FOXP1: variants seen among roughly 807,000 people sequenced by gnomAD.
FOXP1 encodes the protein forkhead box protein P1.
A neutral mutation model predicts 98.2 loss-of-function variants in FOXP1; 15 were observed. That is an observed-to-expected ratio of 0.15 (90% CI 0.10 to 0.24). The LOEUF is 0.24. Among genes scored for constraint, FOXP1 ranks in the 10% least tolerant of loss-of-function variants. The pLI, the probability that FOXP1 is intolerant of heterozygous loss-of-function variation, is 1.00. For synonymous variants in FOXP1, 371 were observed against 314.5 expected (o/e 1.18, Z -1.90); for missense variants, 633 against 848.5 (o/e 0.75, Z 3.15).
At chr3:71,002,350 CA>C (rs1227185188) in intron 12 of FOXP1, among the ~76,000 whole-genome samples, 2 of 152,124 alleles carry the variant, frequency 1.3e-5, no homozygotes, top group African/African-American at 4.8e-5. Flanking sequence ...TCCAAAAAAG[CA>C]GTAAAGAGGA....
chr3:70,977,795 A>C (rs899083432), intron 15 of FOXP1, 33 bp downstream of exon 15: 1 of 1,612,394 alleles, frequency 6.2e-7, no homozygotes, highest in Non-Finnish European at 8.5e-7. Context: ...TGCAGATTAC[A>C]ACTCTACGTG....
At chr3:71,537,685 GA>G (rs1436736025) in intron 2 of FOXP1, among the ~76,000 whole-genome samples, 2 of 152,184 alleles carry the variant, frequency 1.3e-5, no homozygotes, top group African/African-American at 4.8e-5. Context: ...CTTCATCTTT[GA>G]AATAGGGACA....
intron 5 of FOXP1, among the ~76,000 whole-genome samples, chr3:71,285,773 G>A (rs913877052): frequency 1.3e-5 from 2 of 152,160 alleles, no homozygotes; most frequent in African/African-American, 4.8e-5. Context: ...TAGTGGAAGA[G>A]GCTGGGAGTC....
At chr3:71,412,418 C>T (rs1039031416) in intron 3 of FOXP1, among the ~76,000 whole-genome samples, 3 of 152,174 alleles carry the variant, frequency 2.0e-5, no homozygotes, top group African/African-American at 4.8e-5. Context: ...GGGCCCCCAA[C>T]GCTGCTTCTC....
chr3:71,510,744 A>G (rs547108434), intron 2 of FOXP1, among the ~76,000 whole-genome samples: 1 of 152,216 alleles, frequency 6.6e-6, no homozygotes, highest in Non-Finnish European at 1.5e-5. Context: ...TCATATTTAC[A>G]TTTGTAAAAA....
At chr3:71,416,822 G>A (rs1325882281) in intron 3 of FOXP1, among the ~76,000 whole-genome samples, 6 of 152,052 alleles carry the variant, frequency 3.9e-5, no homozygotes, top group Non-Finnish European at 7.4e-5. Context: ...GGTGGTGGCC[G>A]CATAGAAGGA....
intron 2 of FOXP1, among the ~76,000 whole-genome samples, chr3:71,512,287 C>T (rs1315130542): frequency 1.3e-5 from 2 of 152,118 alleles, no homozygotes; most frequent in Non-Finnish European, 2.9e-5. Context: ...GACCTCTTAT[C>T]TTGGCTAAGG....
intron 7 of FOXP1, 103 bp downstream of exon 7, chr3:71,112,432 AT>A (rs1559953355): frequency 5.2e-6 from 5 of 969,912 alleles, no homozygotes; most frequent in Non-Finnish European, 8.2e-6. Context: ...TCCACAGAAG[AT>A]TTTCTTACAT....
chr3:71,083,402 T>G (rs191881721), intron 7 of FOXP1, among the ~76,000 whole-genome samples: 1 of 152,328 alleles, frequency 6.6e-6, no homozygotes, highest in East Asian at 1.9e-4. Context: ...CAAATAAACC[T>G]CTTTTCTTTA....
intron 5 of FOXP1, among the ~76,000 whole-genome samples, chr3:71,286,124 C>G (rs535484629): frequency 2.0e-4 from 30 of 152,290 alleles, no homozygotes; most frequent in Non-Finnish European, 3.8e-4. Context: ...ACTTTATCTG[C>G]AATGACAATA....
intron 3 of FOXP1, among the ~76,000 whole-genome samples, chr3:71,441,273 G>A (rs2085911917): frequency 6.6e-6 from 1 of 152,216 alleles, no homozygotes; most frequent in Non-Finnish European, 1.5e-5. Context: ...ACATACATGT[G>A]GAAATGTCTG....
intron 2 of FOXP1, among the ~76,000 whole-genome samples, chr3:71,519,894 T>G (rs991251263): frequency 6.6e-6 from 1 of 152,256 alleles, no homozygotes; most frequent in Non-Finnish European, 1.5e-5. Context: ...GGCCAGTCCC[T>G]GCTGAATGCA....
chr3:71,312,760 G>C (rs1228204236), intron 4 of FOXP1, among the ~76,000 whole-genome samples: 2 of 152,182 alleles, frequency 1.3e-5, no homozygotes, highest in Non-Finnish European at 2.9e-5. Flanking sequence ...CAAGGCAGGT[G>C]ATCACACTTG....
At chr3:71,579,750 T>C (rs1017866546) in intron 2 of FOXP1, among the ~76,000 whole-genome samples, 1 of 151,482 alleles carries the variant, frequency 6.6e-6, no homozygotes, top group Admixed American at 6.6e-5. Context: ...CTAACTCTAG[T>C]GTAGGAGTCT....
intron 4 of FOXP1, chr3:71,335,296 A>C (rs940204806): frequency 2.0e-5 from 3 of 152,016 alleles, no homozygotes; most frequent in Non-Finnish European, 2.9e-5. Flanking sequence ...AAAAAAAAAA[A>C]CATAATAATG....
chr3:70,997,653 T>C (rs2041574721), intron 13 of FOXP1, among the ~76,000 whole-genome samples: 2 of 152,228 alleles, frequency 1.3e-5, no homozygotes, highest in African/African-American at 4.8e-5. Context: ...AAATTTCTGG[T>C]GTTCTCAAGA....
intron 5 of FOXP1, among the ~76,000 whole-genome samples, chr3:71,268,666 T>A (rs2070000757): frequency 6.6e-6 from 1 of 152,182 alleles, no homozygotes; most frequent in African/African-American, 2.4e-5. Context: ...CAGACTTCTG[T>A]TAGTCCCCTG....
intron 3 of FOXP1, among the ~76,000 whole-genome samples, chr3:71,389,921 G>C (rs905928826): frequency 2.0e-5 from 3 of 151,950 alleles, no homozygotes; most frequent in African/African-American, 7.3e-5. Context: ...GTGGGAAAAG[G>C]CCATCCTGCC....
intron 5 of FOXP1, among the ~76,000 whole-genome samples, chr3:71,291,635 C>T (rs1182437062): frequency 1.3e-5 from 2 of 151,964 alleles, no homozygotes; most frequent in Non-Finnish European, 1.5e-5. Context: ...AGAAGTTTTA[C>T]TGCATACACA....
Sources: gnomAD v4.1 joint callset for allele counts (sites outside exome capture counted in the v4.1 genomes callset) on GRCh38, gnomAD v4.1.1 for gene constraint, MANE v1.5 for transcripts, NCBI Gene and HGNC (gene_info 2026-07-23, HGNC 2026-07-21) for gene names.